The following CPSF3 variants were observed in gnomAD, a reference collection of about 807,000 sequenced individuals.
CPSF3 encodes the protein cleavage and polyadenylation specific factor 3, also known as cleavage and polyadenylation specificity factor subunit 3.
CPSF3 carries 57 observed loss-of-function variants against 84.1 expected under a neutral mutation model. That is an observed-to-expected ratio of 0.68 (90% CI 0.55 to 0.85). The LOEUF (loss-of-function observed/expected upper bound fraction) is 0.85. Among genes scored for constraint, CPSF3 ranks in the 40% least tolerant of loss-of-function variants. The pLI is 0.00. For synonymous variants in CPSF3, 275 were observed against 278.1 expected (o/e 0.99, Z 0.11); for missense variants, 522 against 838.8 (o/e 0.62, Z 4.66).
chr2:9,466,390 G>A (rs116235424), intron 15 of CPSF3, among the ~76,000 whole-genome samples: 45 of 75,756 alleles, frequency 5.9e-4, no homozygotes, highest in Admixed American at 1.7e-3. Context: ...TCGCACACAC[G>A]CGCACACACA....
chr2:9,449,578 C>T (rs1053991182), intron 11 of CPSF3, among the ~76,000 whole-genome samples: 14 of 152,008 alleles, frequency 9.2e-5, no homozygotes, highest in Non-Finnish European at 1.9e-4. Flanking sequence ...CCAGTCTCTA[C>T]GAAAAATACA....
chr2:9,442,307 A>G (rs1002484095), intron 9 of CPSF3, among the ~76,000 whole-genome samples: 1 of 152,190 alleles, frequency 6.6e-6, no homozygotes, highest in African/African-American at 2.4e-5. Context: ...TGACTAATAC[A>G]TATGATCTTA....
intron 7 of CPSF3, 35 bp from the exon 8 acceptor site, chr2:9,440,456 C>A: frequency 6.3e-7 from 1 of 1,583,050 alleles, no homozygotes. Context: ...CCCCATCTAA[C>A]AAAGTGATGT....
chr2:9,438,035 A>G (rs1011621271), intron 7 of CPSF3, among the ~76,000 whole-genome samples: 1 of 152,254 alleles, frequency 6.6e-6, no homozygotes, highest in Non-Finnish European at 1.5e-5. Context: ...GGTGCTTTGC[A>G]TGAGTGTCAC....
At chr2:9,460,888 G>A (rs1040525152) in intron 15 of CPSF3, among the ~76,000 whole-genome samples, 3 of 152,036 alleles carry the variant, frequency 2.0e-5, no homozygotes, top group South Asian at 2.1e-4. Context: ...TGACCATACG[G>A]GAAGTATTCT....
At chr2:9,471,650 G>A (rs531065294) in intron 17 of CPSF3, among the ~76,000 whole-genome samples, 5 of 151,754 alleles carry the variant, frequency 3.3e-5, no homozygotes, top group Non-Finnish European at 7.4e-5. Flanking sequence ...AGGTTCGCGT[G>A]TATGCCACTC....
intron 7 of CPSF3, among the ~76,000 whole-genome samples, chr2:9,440,213 G>A (rs370064034): frequency 1.3e-5 from 2 of 152,114 alleles, no homozygotes; most frequent in Non-Finnish European, 2.9e-5. Flanking sequence ...AGACTTCAGT[G>A]TAAACTTATA....
intron 10 of CPSF3, among the ~76,000 whole-genome samples, chr2:9,446,465 C>T (rs534987178): frequency 6.6e-5 from 10 of 151,918 alleles, no homozygotes; most frequent in African/African-American, 2.4e-4. Context: ...CCTGTAGTCC[C>T]AGCTACTCGG....
At chr2:9,464,031 G>C (rs576004546) in intron 15 of CPSF3, among the ~76,000 whole-genome samples, 1 of 152,130 alleles carries the variant, frequency 6.6e-6, no homozygotes, top group African/African-American at 2.4e-5. Context: ...CTTCAGTCCA[G>C]ATTCTGGAAA....
intron 10 of CPSF3, among the ~76,000 whole-genome samples, chr2:9,446,679 C>G (rs1307706607): frequency 6.6e-6 from 1 of 151,564 alleles, no homozygotes; most frequent in East Asian, 1.9e-4. Context: ...ATCCCTTGAA[C>G]CCTCGAGGCA....
intron 15 of CPSF3, among the ~76,000 whole-genome samples, chr2:9,461,669 CA>C (rs1181005400): frequency 2.2e-4 from 28 of 126,376 alleles, no homozygotes; most frequent in African/African-American, 2.4e-4. Flanking sequence ...TACTCCATCT[CA>C]AAAAAAAAAA....
chr2:9,447,792 AAG>A (rs1681175430), intron 10 of CPSF3, among the ~76,000 whole-genome samples: 1 of 152,156 alleles, frequency 6.6e-6, no homozygotes, highest in Non-Finnish European at 1.5e-5. Context: ...AAAGAGAAAA[AAG>A]AGAACCATGG....
intron 14 of CPSF3, 81 bp from the exon 15 acceptor site, chr2:9,459,450 G>T: frequency 1.2e-6 from 1 of 830,806 alleles, no homozygotes. Context: ...TACAGTCCAT[G>T]GTTTGGTGGG....
chr2:9,461,653 G>C (rs1681728142), intron 15 of CPSF3, among the ~76,000 whole-genome samples: 1 of 148,456 alleles, frequency 6.7e-6, no homozygotes, highest in Admixed American at 6.8e-5. Flanking sequence ...CTGGGTGACA[G>C]AGCAATACTC....
chr2:9,459,629 A>G lies in CPSF3; in HGVS notation c.1786+11A>G. 1.5e-6 allele frequency: 1 copy of G among 662,334 alleles called. No homozygotes were observed. Among genetic ancestry groups the G allele is most frequent in the Non-Finnish European group, 2.3e-6 (1 of 441,342 alleles). The allele number at this position is 662,334 out of a possible 1,614,324, so 41.0% of individuals were successfully genotyped here. A position where few individuals can be genotyped will look rare whatever the true frequency, so the allele number is the denominator to read the frequency against. On this transcript the variant is annotated intron_variant, in intron 15 of 17. Coordinates refer to ENST00000238112, the MANE Select transcript of CPSF3 (RefSeq NM_016207.4). ...CCAAAATAAGAAAAGGTAAGAGTTC[A>G]TTTTTATCCTTTTTTTTTTTTTTTT...
chr2:9,432,821 A>T, intron 5 of CPSF3, 133 bp downstream of exon 5: 1 of 616,766 alleles, frequency 1.6e-6, no homozygotes, highest in Non-Finnish European at 2.4e-6. Flanking sequence ...ATAAAAATAC[A>T]GTTAACGCTT....
chr2:9,455,861 T>C, intron 13 of CPSF3, 104 bp downstream of exon 13: 2 of 771,940 alleles, frequency 2.6e-6, no homozygotes, highest in Middle Eastern at 2.4e-4. Context: ...TGTCTCAGAA[T>C]TGTGTAAGTT....
intron 10 of CPSF3, among the ~76,000 whole-genome samples, chr2:9,446,430 A>T (rs1472341564): frequency 6.6e-6 from 1 of 151,982 alleles, no homozygotes; most frequent in Non-Finnish European, 1.5e-5. Context: ...AATACAAAAA[A>T]ATTAGACGGG....
At chr2:9,456,767 C>T (rs1484487121) in intron 13 of CPSF3, among the ~76,000 whole-genome samples, 166 bp from the exon 14 acceptor site, 1 of 152,170 alleles carries the variant, frequency 6.6e-6, no homozygotes, top group Non-Finnish European at 1.5e-5. Flanking sequence ...CATGTTCAGA[C>T]CTTTCCGTTG....
Sources: allele counts gnomAD v4.1 joint callset (sites outside exome capture counted in the v4.1 genomes callset), GRCh38; gene constraint gnomAD v4.1.1; transcripts MANE v1.5; gene names NCBI Gene and HGNC (gene_info 2026-07-23, HGNC 2026-07-21).